The following EEF1E1 variants were observed in gnomAD, a reference collection of about 807,000 sequenced individuals.
The protein encoded by EEF1E1 is eukaryotic translation elongation factor 1 epsilon-1.
Under a neutral mutation model 19.9 loss-of-function variants are expected in EEF1E1, and 19 were observed. That is an observed-to-expected ratio of 0.95 (90% CI 0.66 to 1.40). The LOEUF (loss-of-function observed/expected upper bound fraction) is 1.40, where lower values mean the gene tolerates loss of function less well. Among genes scored for constraint, EEF1E1 ranks in the 40% most tolerant of loss-of-function variants. EEF1E1 has a pLI of 0.00. For missense variants in EEF1E1, 198 were observed against 202.2 expected (o/e 0.98, Z 0.13); for synonymous variants, 81 against 80.0 (o/e 1.01, Z -0.07).
chr6:8,102,016 CG>C (rs1758379769), intron 1 of EEF1E1: 2 of 1,220,282 alleles, frequency 1.6e-6, no homozygotes, highest in Non-Finnish European at 2.1e-6. Flanking sequence ...AGACCCAGCA[CG>C]GTGCTACCTG....
chr6:8,075,652 G>A (rs1193983324), downstream of EEF1E1, among the ~76,000 whole-genome samples: 4 of 152,146 alleles, frequency 2.6e-5, no homozygotes, highest in East Asian at 7.7e-4. Context: ...CATGTCAATG[G>A]CTCCTCATTG....
At chr6:8,084,955 A>T (rs1345051222) in intron 3 of EEF1E1, among the ~76,000 whole-genome samples, 1 of 152,162 alleles carries the variant, frequency 6.6e-6, no homozygotes, top group Non-Finnish European at 1.5e-5. Flanking sequence ...GTTGTGCCTC[A>T]TGATCATTTT....
At chr6:8,082,503 T>G (rs769333437) in intron 3 of EEF1E1, among the ~76,000 whole-genome samples, 2 of 152,160 alleles carry the variant, frequency 1.3e-5, no homozygotes, top group Non-Finnish European at 2.9e-5. Flanking sequence ...GGTCTCGAAC[T>G]CCTGGCCTCA....
chr6:8,099,751 AAC>A lies in EEF1E1; in HGVS notation c.88-2286_88-2285del, dbSNP rs1554099744. Among the ~76,000 whole-genome samples, 776 of 92,830 alleles carry A rather than the reference AAC, an allele frequency of 8.4e-3. 16 individuals carry two copies. Among genetic ancestry groups the A allele is most frequent in the East Asian group, 0.019 (71 of 3,742 alleles). The allele number at this position is 92,830 out of a possible 152,430, so 60.9% of individuals were successfully genotyped here. A position where few individuals can be genotyped will look rare whatever the true frequency, so the allele number is the denominator to read the frequency against. On this transcript the variant is annotated intron_variant, in intron 1 of 3. Coordinates refer to ENST00000379715, the MANE Select transcript of EEF1E1 (RefSeq NM_004280.5). The stretch of plus-strand genomic sequence containing the variant: ...AACAAGAGTGAAGCTCCGCCTCAAA[AAC>A]ACACACACACACACACACACACACA...
At chr6:8,088,783 G>C (rs1757937894) in intron 3 of EEF1E1, among the ~76,000 whole-genome samples, 1 of 152,210 alleles carries the variant, frequency 6.6e-6, no homozygotes, top group African/African-American at 2.4e-5. Flanking sequence ...AGACAAGGAT[G>C]CACAATCAGG....
chr6:8,077,088 C>G (rs189036218), downstream of EEF1E1, among the ~76,000 whole-genome samples: 3 of 151,970 alleles, frequency 2.0e-5, no homozygotes, highest in Admixed American at 2.0e-4. Flanking sequence ...GGACTACAGG[C>G]GCCCGCCACC....
intron 2 of EEF1E1, among the ~76,000 whole-genome samples, chr6:8,094,546 G>A (rs919917829): frequency 1.3e-5 from 2 of 150,176 alleles, no homozygotes; most frequent in Admixed American, 1.3e-4. Flanking sequence ...GTTGCAGCCT[G>A]TGTGACAGAG....
intron 3 of EEF1E1, among the ~76,000 whole-genome samples, chr6:8,087,213 G>C (rs1325606748): frequency 6.6e-6 from 1 of 152,134 alleles, no homozygotes; most frequent in African/African-American, 2.4e-5. Context: ...GGATAGCAAG[G>C]GAGGCAGGAG....
chr6:8,092,616 G>C (rs527657789), intron 2 of EEF1E1, among the ~76,000 whole-genome samples: 2 of 152,030 alleles, frequency 1.3e-5, no homozygotes, highest in Admixed American at 6.6e-5. Flanking sequence ...AGAATGTATT[G>C]GTATATTAGG....
chr6:8,102,357 C>G (rs886152386), intron 1 of EEF1E1, 78 bp downstream of exon 1: 6 of 1,425,290 alleles, frequency 4.2e-6, no homozygotes, highest in Admixed American at 2.2e-5. Flanking sequence ...TATCTGGTGG[C>G]CGGCCCGGGT....
chr6:8,093,782 G>T lies in EEF1E1; in HGVS notation c.288+3485C>A, dbSNP rs116775564. Among the ~76,000 whole-genome samples, 1,433 of 151,036 alleles carry T rather than the reference G, an allele frequency of 9.5e-3. 21 individuals are homozygous for T. Among genetic ancestry groups the T allele is most frequent in the African/African-American group, 0.033 (1,346 of 41,196 alleles). ...GTATGAAAACGACACATTAATAATT[G>T]TATTAAAAAAAAAAGCAAATAATTT... is the stretch of plus-strand genomic sequence containing the variant. On this transcript the variant is annotated intron_variant, in intron 2 of 3. Transcript: ENST00000379715.
At chr6:8,073,509 A>G (rs1757528791) in exon 4 of EEF1E1, 2 of 1,551,632 alleles carry the variant, frequency 1.3e-6, no homozygotes, top group East Asian at 4.9e-5. Flanking sequence ...CAGCTTCCTT[A>G]TCTGCAAAAG....
intron 2 of EEF1E1, among the ~76,000 whole-genome samples, chr6:8,093,048 T>C (rs1758063275): frequency 6.6e-6 from 1 of 152,010 alleles, no homozygotes; most frequent in Non-Finnish European, 1.5e-5. Flanking sequence ...ATTTTTTGTA[T>C]TTTTAGTGGA....
rs188135112 is a variant in EEF1E1, at chr6:8,085,274, A to G, written c.384+4912T>C. ...AAGATCCTCCTACCTCATTCCCCCA[A>G]GTAGCTGGGACTACAGTCACAGAGC... On this transcript the variant is annotated intron_variant, in intron 3 of 3. Transcript: ENST00000379715. Among the ~76,000 whole-genome samples, 43 of 151,322 alleles carry G rather than the reference A, an allele frequency of 2.8e-4. 1 individual carries two copies. The highest frequency in any genetic ancestry group is 2.7e-3 in the East Asian group (14 of 5,156).
intron 1 of EEF1E1, among the ~76,000 whole-genome samples, chr6:8,099,909 T>A (rs115876930): frequency 6.6e-6 from 1 of 152,232 alleles, no homozygotes; most frequent in Non-Finnish European, 1.5e-5. Context: ...TGTGTTGATG[T>A]ACCATAATTT....
In EEF1E1 at chr6:8,092,868, G is replaced by GTTT. The variant is rs1554099258; in HGVS notation, c.289-2588_289-2587insAAA. On this transcript the variant is annotated intron_variant, in intron 2 of 3. Coordinates refer to ENST00000379715, the MANE Select transcript of EEF1E1 (RefSeq NM_004280.5). ...GTTTTGTGTTTTAGTGATAAAGACT[G>GTTT]CTTTTTTTTTTTTTTTTTTTTTTTG... Among the ~76,000 whole-genome samples, 119 of 108,188 alleles carry GTTT rather than the reference G, an allele frequency of 1.1e-3. 7 individuals are homozygous for GTTT. Among genetic ancestry groups the GTTT allele is most frequent in the African/African-American group, 3.4e-3 (91 of 26,724 alleles). The allele number at this position is 108,188 out of a possible 152,430, so 71.0% of individuals were successfully genotyped here.
chr6:8,078,542 A>G, downstream of EEF1E1: 1 of 689,610 alleles, frequency 1.5e-6, no homozygotes, highest in Non-Finnish European at 1.9e-6. Context: ...AAGCCGACGG[A>G]AAAATGGTGC....
chr6:8,089,091 G>C (rs1043414425), intron 3 of EEF1E1, among the ~76,000 whole-genome samples: 2 of 152,162 alleles, frequency 1.3e-5, no homozygotes, highest in African/African-American at 4.8e-5. Context: ...CATTTATTTG[G>C]ACTGGCCAAG....
At chr6:8,085,565 T>C (rs1489850003) in intron 3 of EEF1E1, among the ~76,000 whole-genome samples, 3 of 152,238 alleles carry the variant, frequency 2.0e-5, no homozygotes, top group Non-Finnish European at 4.4e-5. Flanking sequence ...TTTGTGTAAA[T>C]TGAATCATAT....
Sources: allele counts gnomAD v4.1 joint callset (sites outside exome capture counted in the v4.1 genomes callset), GRCh38; gene constraint gnomAD v4.1.1; transcripts MANE v1.5; gene names NCBI Gene and HGNC (gene_info 2026-07-23, HGNC 2026-07-21).